CFI: variants seen among roughly 807,000 people sequenced by gnomAD.
The protein encoded by CFI is complement factor I, also known as C3B/C4B inactivator.
CFI carries 66 observed loss-of-function variants against 78.8 expected under a neutral mutation model. The observed-to-expected ratio is 0.84, with a 90% CI of 0.69 to 1.03. The LOEUF is 1.03. CFI is among the 50% of genes least tolerant of loss of function. The probability of loss-of-function intolerance (pLI) is 0.00; values close to 1 mark genes in which losing one functional copy is unlikely to be tolerated. For missense variants in CFI, 706 were observed against 704.5 expected (o/e 1.00, Z -0.02); for synonymous variants, 250 against 232.6 (o/e 1.07, Z -0.68).
At chr4:109,733,528 A>G in the CFI span, among the ~76,000 whole-genome samples, 1 of 152,348 alleles carries the variant, frequency 6.6e-6, no homozygotes, top group African/African-American at 2.4e-5. Flanking sequence ...ACAGTAATCT[A>G]GGTATGGCAT....
intron 3 of CFI, chr4:109,764,235 T>C (rs1228683797): frequency 7.0e-6 from 3 of 426,974 alleles, no homozygotes; most frequent in Non-Finnish European, 1.3e-5. Flanking sequence ...TGTGAAAAAG[T>C]GTACATAATT....
Position 109,761,520 on chromosome 4 carries a change from C to T in CFI, c.655G>A (p.Ala219Thr). Residue 219 changes from alanine to threonine, a missense_variant, in exon 4 of 13, where the codon GCA becomes ACA. Transcript: ENST00000394634. ...FADVVCYTQK[A>T]DSPMDDFFQC... ...AACAGGCAAATACTCCACCAACCTGCTTTCTGTGTATAACAAACCACATCA... is the reference window on the plus strand; with the variant it reads ...AACAGGCAAATACTCCACCAACCTGTTTTCTGTGTATAACAAACCACATCA... 2 of 1,614,112 alleles carry T rather than the reference C, an allele frequency of 1.2e-6. No homozygotes were observed. The highest frequency in any genetic ancestry group is 8.5e-7 in the Non-Finnish European group (1 of 1,179,978).
At chr4:109,752,994 ATATATATTTAT>A (rs1471975092) in intron 7 of CFI, among the ~76,000 whole-genome samples, 4,311 of 20,086 alleles carry the variant, frequency 0.21, 1,135 homozygotes, top group Non-Finnish European at 0.37. Context: ...AATATTTATA[ATATATATTTAT>A]TATATATTTA....
chr4:109,753,219 TATATTTATA>T lies in CFI; in HGVS notation c.905-725_905-717del, dbSNP rs1725464747. ...AAATATTTATAATATATATTTATAATATATTTATAATATAAATAAATATTTATAATATAT... is the reference window on the plus strand; with the variant it reads ...AAATATTTATAATATATATTTATAATATATAAATAAATATTTATAATATAT... On this transcript the variant is annotated intron_variant, in intron 7 of 12. Coordinates refer to ENST00000394634, the MANE Select transcript of CFI (RefSeq NM_000204.5). Among the ~76,000 whole-genome samples, 2 of 5,034 alleles carry T rather than the reference TATATTTATA, an allele frequency of 4.0e-4. 1 individual carries two copies. Among genetic ancestry groups the T allele is most frequent in the African/African-American group, 4.5e-4 (2 of 4,426 alleles). 3.3% of individuals were successfully genotyped at this position (5,034 alleles called of 152,430 possible).
At position 109,773,597 on chromosome 4, in the gene CFI, T is replaced by C. The variant is rs115945652; in HGVS notation, c.58-6773A>G. On this transcript the variant is annotated intron_variant, in intron 1 of 12. Transcript: ENST00000394634. ...TTACTGGTGCACAACATAGCCTATA[T>C]GGATGATACACTCTTTATAATTCAA... Among the ~76,000 whole-genome samples, 1,460 of 152,324 alleles carry C rather than the reference T, an allele frequency of 9.6e-3. 16 individuals carry two copies. Among genetic ancestry groups the C allele is most frequent in the Non-Finnish European group, 0.018 (1,197 of 68,034 alleles).
Position 109,761,527 on chromosome 4 carries a change from T to A in CFI, c.648A>T (p.Thr216=), listed in dbSNP as rs1415786718. The change falls in exon 4 of 13, where the codon ACA becomes ACT. Residue 216 remains threonine, a synonymous_variant. Transcript: ENST00000394634. ...YQDFADVVCY[T]QKADSPMDDF... ...AAATACTCCACCAACCTGCTTTCTG[T>A]GTATAACAAACCACATCAGCGAAAT... The A allele has an allele frequency of 6.2e-7, 1 of 1,614,162 alleles. No individual in the cohort carries two copies. Among genetic ancestry groups the A allele is most frequent in the Admixed American group, 1.7e-5 (1 of 60,028 alleles).
chr4:109,794,429 T>C (rs1255859859), intron 1 of CFI: 1 of 152,202 alleles, frequency 6.6e-6, no homozygotes, highest in Non-Finnish European at 1.5e-5. Context: ...CTGAAACCTA[T>C]TAGAAAATTT....
intron 7 of CFI, among the ~76,000 whole-genome samples, chr4:109,752,792 G>C (rs965097916): frequency 6.8e-6 from 1 of 147,256 alleles, no homozygotes; most frequent in Non-Finnish European, 1.5e-5. Flanking sequence ...CCAGTAGTTA[G>C]AGCACGCAAA....
In CFI at chr4:109,750,577, A is replaced by T. The variant is rs149120174; in HGVS notation, c.941-975T>A. Among the ~76,000 whole-genome samples, 60 of 152,268 alleles carry T rather than the reference A, an allele frequency of 3.9e-4. No individual in the cohort carries two copies. In the East Asian group the frequency reaches 7.7e-3, roughly 20 times the overall value. ...CATGCAGACGTCTGGCGCATTTGTC[A>T]TGAGAAAACACGGTAGAGCAAAGTT... On this transcript the variant is annotated intron_variant, in intron 8 of 12. Coordinates refer to ENST00000394634, the MANE Select transcript of CFI (RefSeq NM_000204.5).
chr4:109,740,324 G>A (rs1398618056), downstream of CFI, among the ~76,000 whole-genome samples: 1 of 150,336 alleles, frequency 6.7e-6, no homozygotes, highest in Non-Finnish European at 1.5e-5. Flanking sequence ...AGAAAGAAAA[G>A]AGAAAAAGAA....
At chr4:109,741,386 A>G (rs1243565337) in intron 12 of CFI, 2 of 983,508 alleles carry the variant, frequency 2.0e-6, no homozygotes, top group African/African-American at 3.5e-5. Flanking sequence ...TTGCAACCTG[A>G]AAGTTGCATC....
At chr4:109,755,140 A>G (rs1031824373) in intron 7 of CFI, among the ~76,000 whole-genome samples, 4 of 152,234 alleles carry the variant, frequency 2.6e-5, no homozygotes, top group Non-Finnish European at 2.9e-5. Flanking sequence ...CCAGTGAAAG[A>G]ACAGAGAAAA....
the CFI span, among the ~76,000 whole-genome samples, chr4:109,731,542 C>T: frequency 6.6e-6 from 1 of 152,128 alleles, no homozygotes; most frequent in Non-Finnish European, 1.5e-5. Flanking sequence ...TGAATATGAT[C>T]GCTCACATTC....
At chr4:109,737,443 A>C (rs1723433295), downstream of CFI, among the ~76,000 whole-genome samples, 1 of 152,154 alleles carries the variant, frequency 6.6e-6, no homozygotes, top group South Asian at 2.1e-4. Flanking sequence ...ATCTCCCTTT[A>C]GTTTTCCTTA....
intron 6 of CFI, chr4:109,758,064 A>G: frequency 1.2e-6 from 1 of 808,312 alleles, no homozygotes; most frequent in Non-Finnish European, 1.8e-6. Flanking sequence ...TAATAGTTAG[A>G]AGCATTACTA....
chr4:109,766,569 T>A lies in CFI; in HGVS notation c.313A>T (p.Thr105Ser), dbSNP rs1328371343. The A allele has an allele frequency of 6.2e-7, 1 of 1,614,128 alleles. No homozygotes were observed. Among genetic ancestry groups the A allele is most frequent in the Non-Finnish European group, 8.5e-7 (1 of 1,180,034 alleles). The change falls in exon 2 of 13, where the codon ACA (threonine) becomes TCA (serine). Residue 105 changes from threonine to serine, a missense_variant. Physicochemically the swap from Thr to Ser is moderately conservative, Grantham distance 58. Transcript: ENST00000394634. ...CTCTTGCTACCTTCGGCTGTGCATG[T>A]TCCGTTATTTAAAAACTTTGTCCCT... is the stretch of plus-strand genomic sequence containing the variant. ...HPGTKFLNNG[T>S]CTAEGKFSVS...
chr4:109,793,266 T>A lies in CFI; in HGVS notation c.57+8649A>T, dbSNP rs1731606804. Among the ~76,000 whole-genome samples the A allele has an allele frequency of 2.0e-5, 3 of 152,258 alleles. No homozygotes were observed. In the South Asian group the frequency reaches 6.2e-4, roughly 31 times the overall value. ...CTATACTGCTCCATCCATTCCTTTA[T>A]GTTGTTATTGTCATGTTACATCTTT... On this transcript the variant is annotated intron_variant, in intron 1 of 12. Coordinates refer to ENST00000394634, the MANE Select transcript of CFI (RefSeq NM_000204.5).
chr4:109,793,148 G>A (rs778805918), intron 1 of CFI, among the ~76,000 whole-genome samples: 1 of 150,932 alleles, frequency 6.6e-6, no homozygotes, highest in African/African-American at 2.4e-5. Flanking sequence ...TTTCTTTTTC[G>A]GTACTATGGA....
In CFI at chr4:109,785,021, G is replaced by A. The variant is rs114141755; in HGVS notation, c.57+16894C>T. The stretch of plus-strand genomic sequence containing the variant: ...AATGTACTTTGTGATATTCACCCCC[G>A]CAAGAAGCTACTTTGTAATATTCTC... On this transcript the variant is annotated intron_variant, in intron 1 of 12. Transcript: ENST00000394634. Among the ~76,000 whole-genome samples the A allele has an allele frequency of 6.0e-3, 909 of 151,834 alleles. 8 individuals carry two copies. The highest frequency in any genetic ancestry group is 0.019 in the African/African-American group (780 of 41,382).
Sources: gnomAD v4.1 joint callset for allele counts (sites outside exome capture counted in the v4.1 genomes callset) on GRCh38, gnomAD v4.1.1 for gene constraint, MANE v1.5 for transcripts, NCBI Gene and HGNC (gene_info 2026-07-23, HGNC 2026-07-21) for gene names.